SAMD12: variants seen among roughly 807,000 people sequenced by gnomAD.
SAMD12 encodes sterile alpha motif domain-containing protein 12.
SAMD12 carries 9 observed loss-of-function variants against 15.0 expected under a neutral mutation model. The observed-to-expected ratio is 0.60, with a 90% CI of 0.36 to 1.05. The LOEUF is 1.05. Ranked by LOEUF, SAMD12 falls within the 50% of genes least tolerant of loss-of-function variation. SAMD12 has a pLI of 0.01. For synonymous variants in SAMD12, 86 were observed against 90.1 expected, an observed-to-expected ratio of 0.96 and a Z score of 0.25; for missense variants, 230 against 234.2, an observed-to-expected ratio of 0.98 and a Z score of 0.12.
chr8:118,566,128 A>G (rs183767548), intron 2 of SAMD12, among the ~76,000 whole-genome samples: 56 of 152,316 alleles, frequency 3.7e-4, no homozygotes, highest in Admixed American at 3.5e-3. Flanking sequence ...AATTCAGATG[A>G]AACCACATGA....
chr8:118,412,973 C>T (rs555599400), intron 3 of SAMD12, among the ~76,000 whole-genome samples: 6 of 152,130 alleles, frequency 3.9e-5, no homozygotes, highest in Non-Finnish European at 7.4e-5. Context: ...GAAAAGGACA[C>T]GCAAGATTGG....
At chr8:118,246,518 T>C (rs192181509) in intron 4 of SAMD12, among the ~76,000 whole-genome samples, 2 of 152,292 alleles carry the variant, frequency 1.3e-5, no homozygotes, top group African/African-American at 2.4e-5. Flanking sequence ...CCTAATAATC[T>C]AGGAAACTTT....
the SAMD12 span, among the ~76,000 whole-genome samples, chr8:118,150,476 G>T: frequency 3.3e-5 from 5 of 152,076 alleles, no homozygotes; most frequent in Admixed American, 6.5e-5. Context: ...GAACTCCTGG[G>T]CTTAAATGAT....
At chr8:118,511,773 T>A (rs79530462) in intron 2 of SAMD12, among the ~76,000 whole-genome samples, 3,580 of 152,322 alleles carry the variant, frequency 0.024, 114 homozygotes, top group African/African-American at 0.076. Flanking sequence ...ACAGACACAA[T>A]GTGATTGTAG....
At chr8:118,510,765 G>A (rs1413047643) in intron 2 of SAMD12, among the ~76,000 whole-genome samples, 1 of 152,202 alleles carries the variant, frequency 6.6e-6, no homozygotes, top group Non-Finnish European at 1.5e-5. Flanking sequence ...TGGGGCAAAA[G>A]AGTACTATTT....
chr8:118,530,859 A>G (rs1825666095), intron 2 of SAMD12, among the ~76,000 whole-genome samples: 1 of 152,170 alleles, frequency 6.6e-6, no homozygotes, highest in Non-Finnish European at 1.5e-5. Context: ...CATTCTCCCT[A>G]GAGACAGGGA....
intron 2 of SAMD12, among the ~76,000 whole-genome samples, chr8:118,484,973 C>CCAAT (rs1320885407): frequency 6.6e-6 from 1 of 152,094 alleles, no homozygotes; most frequent in Admixed American, 6.5e-5. Context: ...ATGGATCTAC[C>CCAAT]CAATGATGCT....
At chr8:118,437,664 A>C (rs1461794548) in intron 3 of SAMD12, among the ~76,000 whole-genome samples, 1 of 152,142 alleles carries the variant, frequency 6.6e-6, no homozygotes, top group South Asian at 2.1e-4. Context: ...GAAAGTAGTG[A>C]TTTCCCAATA....
At chr8:118,367,952 C>T (rs1179090586) in intron 4 of SAMD12, among the ~76,000 whole-genome samples, 1 of 152,012 alleles carries the variant, frequency 6.6e-6, no homozygotes, top group Non-Finnish European at 1.5e-5. Context: ...TAATGGATTC[C>T]CAGAATAAAA....
At chr8:118,282,370 G>A in intron 4 of SAMD12, 1 of 456,168 alleles carries the variant, frequency 2.2e-6, no homozygotes, top group Non-Finnish European at 4.4e-6. Flanking sequence ...TCTCGTATAG[G>A]CTGGTGTTGG....
the SAMD12 span, among the ~76,000 whole-genome samples, chr8:118,182,020 AT>A: frequency 2.0e-4 from 30 of 151,788 alleles, no homozygotes; most frequent in African/African-American, 7.0e-4. Context: ...ACCCCACAGA[AT>A]TTTTTTTTCC....
rs55864364 is a variant in SAMD12, at chr8:118,515,185, A to ATTTTTT, written c.192+65524_192+65529dup. On this transcript the variant is annotated intron_variant, in intron 2 of 3. Transcript: ENST00000314727. ...AGGCGCCCGCCACCACGCCCAGCTA[A>ATTTTTT]TTTTTTTTTTTTTTTTTTTTTGTAT... 9.3e-3 allele frequency among the ~76,000 whole-genome samples: 960 copies of ATTTTTT among 103,244 alleles called. 22 individuals are homozygous for ATTTTTT. Among genetic ancestry groups the ATTTTTT allele is most frequent in the Admixed American group, 0.031 (254 of 8,114 alleles). The allele number at this position is 103,244 out of a possible 152,430, so 67.7% of individuals were successfully genotyped here.
Position 118,532,041 on chromosome 8 carries a change from T to G in SAMD12, c.192+48674A>C, listed in dbSNP as rs181093840. Among the ~76,000 whole-genome samples the G allele has an allele frequency of 2.0e-5, 3 of 152,334 alleles. No homozygotes were observed. In the East Asian group the frequency reaches 5.8e-4, roughly 29 times the overall value. On this transcript the variant is annotated intron_variant, in intron 2 of 3. Transcript: ENST00000314727. Reference sequence around the variant, plus strand: ...GGGAATGCTTCCAGTTTTTGCCCATTCAGTATGATATTGGCTGTGGGTTTG... The same window carrying G: ...GGGAATGCTTCCAGTTTTTGCCCATGCAGTATGATATTGGCTGTGGGTTTG...
chr8:118,132,763 C>A, the SAMD12 span, among the ~76,000 whole-genome samples: 2 of 151,878 alleles, frequency 1.3e-5, no homozygotes, highest in Admixed American at 6.6e-5. Context: ...CTTCCACCAT[C>A]CCAAACATTG....
intron 4 of SAMD12, among the ~76,000 whole-genome samples, chr8:118,320,923 G>A (rs1244610438): frequency 2.0e-5 from 3 of 148,694 alleles, no homozygotes; most frequent in African/African-American, 7.4e-5. Context: ...AAGTAGTGAT[G>A]AGTGCAAACA....
chr8:118,211,805 C>T (rs1017437106), intron 4 of SAMD12, among the ~76,000 whole-genome samples: 2 of 152,170 alleles, frequency 1.3e-5, no homozygotes, highest in African/African-American at 2.4e-5. Context: ...GGGACTACAA[C>T]AGCACTTCAT....
chr8:118,516,638 C>CTTTTTT (rs34734575), intron 2 of SAMD12, among the ~76,000 whole-genome samples: 1 of 139,914 alleles, frequency 7.1e-6, no homozygotes. Flanking sequence ...TTCTTTCTTT[C>CTTTTTT]TTTTTTTTTT....
At chr8:118,516,689 A>T (rs184188561) in intron 2 of SAMD12, among the ~76,000 whole-genome samples, 26 of 145,988 alleles carry the variant, frequency 1.8e-4, no homozygotes, top group South Asian at 4.3e-4. Context: ...GGCTGGATGG[A>T]GTGCAGTGGT....
At chr8:118,518,568 T>A (rs899175917) in intron 2 of SAMD12, among the ~76,000 whole-genome samples, 24 of 152,244 alleles carry the variant, frequency 1.6e-4, no homozygotes, top group African/African-American at 5.8e-4. Flanking sequence ...GCCTGCTTAA[T>A]ACTTTCTATG....
Sources: allele counts gnomAD v4.1 joint callset (sites outside exome capture counted in the v4.1 genomes callset), GRCh38; gene constraint gnomAD v4.1.1; transcripts MANE v1.5; gene names NCBI Gene and HGNC (gene_info 2026-07-23, HGNC 2026-07-21).